IMMP2L: variants seen among roughly 807,000 people sequenced by gnomAD.
IMMP2L encodes inner mitochondrial membrane peptidase subunit 2.
IMMP2L carries 18 observed loss-of-function variants against 19.3 expected under a neutral mutation model. The ratio of observed to expected loss-of-function variants is 0.93; its 90% CI spans 0.64 to 1.38. The LOEUF is 1.38. Ranked by LOEUF, IMMP2L falls within the 40% of genes most tolerant of loss-of-function variation. The probability of loss-of-function intolerance (pLI) is 0.00; values close to 1 mark genes in which losing one functional copy is unlikely to be tolerated. For missense variants in IMMP2L, 233 were observed against 218.2 expected, an observed-to-expected ratio of 1.07 and a Z score of -0.43; for synonymous variants, 76 against 73.0, an observed-to-expected ratio of 1.04 and a Z score of -0.21.
chr7:110,729,182 C>T (rs182645420), intron 5 of IMMP2L, among the ~76,000 whole-genome samples: 15 of 152,190 alleles, frequency 9.9e-5, no homozygotes, highest in Admixed American at 3.3e-4. Flanking sequence ...TGTGCCCAGC[C>T]GTATTAGTCT....
chr7:110,789,563 A>G (rs1273602916), intron 5 of IMMP2L, among the ~76,000 whole-genome samples: 3 of 151,680 alleles, frequency 2.0e-5, no homozygotes, highest in African/African-American at 7.3e-5. Context: ...TCTCAACACA[A>G]TAGAAAGAGT....
At chr7:111,253,105 T>C (rs192153399) in intron 3 of IMMP2L, among the ~76,000 whole-genome samples, 114 of 152,294 alleles carry the variant, frequency 7.5e-4, no homozygotes, top group African/African-American at 2.6e-3. Context: ...AAAAGACTTA[T>C]TGTAAGCCAA....
intron 3 of IMMP2L, among the ~76,000 whole-genome samples, chr7:111,460,202 C>A (rs1158238081): frequency 6.6e-6 from 1 of 152,052 alleles, no homozygotes; most frequent in Non-Finnish European, 1.5e-5. Flanking sequence ...ATGCAATAAA[C>A]AAACTAAACA....
intron 3 of IMMP2L, among the ~76,000 whole-genome samples, chr7:111,084,410 T>C (rs866268688): frequency 6.6e-6 from 1 of 150,638 alleles, no homozygotes; most frequent in South Asian, 2.1e-4. Context: ...ATCACGCAAG[T>C]AGAGACATTT....
intron 5 of IMMP2L, among the ~76,000 whole-genome samples, chr7:110,754,042 C>T (rs769984072): frequency 5.9e-5 from 9 of 151,964 alleles, no homozygotes; most frequent in Non-Finnish European, 1.0e-4. Context: ...ATTTATTTCA[C>T]TATCAAAGAA....
intron 3 of IMMP2L, among the ~76,000 whole-genome samples, chr7:110,993,380 T>C (rs1025430537): frequency 1.3e-5 from 2 of 152,174 alleles, no homozygotes; most frequent in Admixed American, 6.6e-5. Flanking sequence ...AACAGATCAA[T>C]TGGGCTTCTT....
intron 3 of IMMP2L, among the ~76,000 whole-genome samples, chr7:111,031,407 T>TGTGTGA (rs147571783): frequency 2.7e-5 from 4 of 147,098 alleles, no homozygotes; most frequent in East Asian, 2.0e-4. Context: ...TGTGTGTGTG[T>TGTGTGA]GAGAGAAAGA....
intron 5 of IMMP2L, among the ~76,000 whole-genome samples, chr7:110,787,228 C>T (rs376642223): frequency 6.6e-6 from 1 of 151,824 alleles, no homozygotes. Flanking sequence ...GCAATATACC[C>T]CCAGTGAAGT....
chr7:111,009,691 T>TA (rs998170950), intron 3 of IMMP2L, among the ~76,000 whole-genome samples: 4 of 151,958 alleles, frequency 2.6e-5, no homozygotes, highest in African/African-American at 7.2e-5. Context: ...ACAAAATGGA[T>TA]AAAAAAAGGA....
chr7:111,439,865 C>T (rs1309865070), intron 3 of IMMP2L, among the ~76,000 whole-genome samples: 1 of 151,932 alleles, frequency 6.6e-6, no homozygotes, highest in Non-Finnish European at 1.5e-5. Context: ...AACCCTGTCA[C>T]TGCTTTACCA....
chr7:111,019,968 T>C (rs1461521138), intron 3 of IMMP2L, among the ~76,000 whole-genome samples: 1 of 152,050 alleles, frequency 6.6e-6, no homozygotes, highest in African/African-American at 2.4e-5. Flanking sequence ...ACCAGAAGGA[T>C]ACTTTCTCTA....
chr7:111,059,930 A>G (rs987272582), intron 3 of IMMP2L, among the ~76,000 whole-genome samples: 1 of 145,940 alleles, frequency 6.9e-6, no homozygotes, highest in African/African-American at 2.7e-5. Context: ...TGTGAAAAAA[A>G]AAAAAGAAAA....
chr7:111,519,928 A>G (rs1846191103), intron 2 of IMMP2L, among the ~76,000 whole-genome samples: 2 of 152,102 alleles, frequency 1.3e-5, no homozygotes, highest in Admixed American at 6.6e-5. Flanking sequence ...ATGCTTGTGA[A>G]TGGATTCAAA....
chr7:111,042,171 T>C (rs1200441982), intron 3 of IMMP2L, among the ~76,000 whole-genome samples: 1 of 152,090 alleles, frequency 6.6e-6, no homozygotes, highest in Admixed American at 6.6e-5. Context: ...CCATCATAGA[T>C]ACCATTTAAA....
At chr7:111,140,795 C>T (rs1270365632) in intron 3 of IMMP2L, among the ~76,000 whole-genome samples, 1 of 152,080 alleles carries the variant, frequency 6.6e-6, no homozygotes, top group African/African-American at 2.4e-5. Context: ...GACTGTTCGG[C>T]CATTTAAGAA....
chr7:111,258,852 GTACTTA>G (rs1254940995), intron 3 of IMMP2L, among the ~76,000 whole-genome samples: 9 of 152,008 alleles, frequency 5.9e-5, no homozygotes, highest in African/African-American at 1.2e-4. Flanking sequence ...ACACTTTTCA[GTACTTA>G]TACTTAAGTA....
chr7:110,748,544 A>G (rs1392294916), intron 5 of IMMP2L, among the ~76,000 whole-genome samples: 2 of 152,206 alleles, frequency 1.3e-5, no homozygotes, highest in African/African-American at 4.8e-5. Flanking sequence ...CTGGTATCAA[A>G]ACAGATATAT....
At chr7:111,430,961 G>T (rs962932654) in intron 3 of IMMP2L, among the ~76,000 whole-genome samples, 1 of 151,696 alleles carries the variant, frequency 6.6e-6, no homozygotes, top group Non-Finnish European at 1.5e-5. Flanking sequence ...ACAAAAATTA[G>T]TCAGACGTGG....
intron 4 of IMMP2L, among the ~76,000 whole-genome samples, chr7:110,959,165 C>T (rs1007807109): frequency 6.6e-6 from 1 of 151,966 alleles, no homozygotes; most frequent in East Asian, 1.9e-4. Flanking sequence ...TCCTAAAAAA[C>T]AGGACTGTTT....
Sources: gnomAD v4.1 joint callset for allele counts (sites outside exome capture counted in the v4.1 genomes callset) on GRCh38, gnomAD v4.1.1 for gene constraint, MANE v1.5 for transcripts, NCBI Gene and HGNC (gene_info 2026-07-23, HGNC 2026-07-21) for gene names.